The following LRBA variants were observed in gnomAD, a reference collection of about 807,000 sequenced individuals.
LRBA encodes lipopolysaccharide-responsive and beige-like anchor protein.
LRBA carries 176 observed loss-of-function variants against 330.0 expected under a neutral mutation model. That is an observed-to-expected ratio of 0.53 (90% CI 0.47 to 0.60). The LOEUF is 0.60. Among genes scored for constraint, LRBA ranks in the 20% least tolerant of loss-of-function variants. LRBA has a pLI of 0.00. For synonymous variants in LRBA, 1,230 were observed against 1,193.0 expected (o/e 1.03, Z -0.64); for missense variants, 3,259 against 3,444.8 (o/e 0.95, Z 1.35).
chr4:150,338,830 A>G (rs1735083131), intron 48 of LRBA, among the ~76,000 whole-genome samples: 1 of 152,166 alleles, frequency 6.6e-6, no homozygotes. Flanking sequence ...TGACTCTGGC[A>G]TTAGTTACCA....
chr4:150,469,117 A>C (rs889146953), intron 43 of LRBA, among the ~76,000 whole-genome samples: 3 of 152,104 alleles, frequency 2.0e-5, no homozygotes, highest in African/African-American at 7.2e-5. Context: ...CCATCTACTT[A>C]AATAATCAGA....
intron 39 of LRBA, among the ~76,000 whole-genome samples, chr4:150,589,094 G>C (rs1205926898): frequency 6.6e-6 from 1 of 150,838 alleles, no homozygotes; most frequent in Non-Finnish European, 1.5e-5. Context: ...GATCGACGTA[G>C]AAAGAATTTG....
At chr4:150,340,291 G>T (rs553859265) in intron 48 of LRBA, among the ~76,000 whole-genome samples, 1 of 151,962 alleles carries the variant, frequency 6.6e-6, no homozygotes, top group East Asian at 1.9e-4. Flanking sequence ...TATTACTTTT[G>T]GTTAGAGTTC....
At chr4:150,322,039 A>G (rs1732586709) in intron 49 of LRBA, among the ~76,000 whole-genome samples, 4 of 152,300 alleles carry the variant, frequency 2.6e-5, no homozygotes, top group Middle Eastern at 6.8e-3. Context: ...TAGTGTACCA[A>G]ATCATAAACA....
chr4:150,908,869 T>G lies in LRBA; in HGVS notation c.1162-12A>C. 1.3e-6 allele frequency: 2 copies of G among 1,562,162 alleles called. No homozygotes were observed. Among genetic ancestry groups the G allele is most frequent in the Non-Finnish European group, 1.8e-6 (2 of 1,136,600 alleles). ...AATTTAAATGTACCCTAAGAATTAATTAAAAACAGTTAAATAGTATGCCAC... is the reference window on the plus strand; with the variant it reads ...AATTTAAATGTACCCTAAGAATTAAGTAAAAACAGTTAAATAGTATGCCAC... On this transcript the variant is annotated splice_polypyrimidine_tract_variant and intron_variant, in intron 9 of 56. Coordinates refer to ENST00000651943, the MANE Select transcript of LRBA (RefSeq NM_001364905.1).
At chr4:150,749,053 A>G (rs1733165375) in intron 35 of LRBA, among the ~76,000 whole-genome samples, 2 of 152,144 alleles carry the variant, frequency 1.3e-5, no homozygotes, top group East Asian at 1.9e-4. Flanking sequence ...AGTCTCAGGT[A>G]TTTTTTATAG....
chr4:150,991,109 AGAG>A (rs1742034537), intron 2 of LRBA, among the ~76,000 whole-genome samples: 1 of 152,018 alleles, frequency 6.6e-6, no homozygotes, highest in Admixed American at 6.6e-5. Context: ...AGGAGGATGA[AGAG>A]GAGGAAGAGG....
At chr4:150,854,638 G>A (rs1204019415) in intron 22 of LRBA, among the ~76,000 whole-genome samples, 1 of 152,192 alleles carries the variant, frequency 6.6e-6, no homozygotes, top group Non-Finnish European at 1.5e-5. Flanking sequence ...AGGCGAGAAG[G>A]TGTATTTACT....
At chr4:150,975,939 A>C (rs1173479208) in intron 2 of LRBA, among the ~76,000 whole-genome samples, 2 of 152,166 alleles carry the variant, frequency 1.3e-5, no homozygotes, top group Non-Finnish European at 2.9e-5. Context: ...AGGTGGGCAG[A>C]TCACTTGATG....
intron 42 of LRBA, among the ~76,000 whole-genome samples, chr4:150,478,484 C>CA (rs1323579747): frequency 1.3e-5 from 2 of 152,130 alleles, no homozygotes; most frequent in East Asian, 3.8e-4. Flanking sequence ...CATCACCCCC[C>CA]AAATCTCTGA....
chr4:150,895,553 A>G (rs568145038), intron 16 of LRBA, among the ~76,000 whole-genome samples: 49 of 152,078 alleles, frequency 3.2e-4, no homozygotes, highest in African/African-American at 1.1e-3. Flanking sequence ...TTGTCCTTGC[A>G]ATAGTTTGCT....
chr4:150,673,419 G>T (rs1782247819), intron 37 of LRBA, among the ~76,000 whole-genome samples: 2 of 151,924 alleles, frequency 1.3e-5, no homozygotes, highest in Non-Finnish European at 1.5e-5. Context: ...CACAGATAGA[G>T]GAATAAAACA....
At chr4:150,687,587 G>A (rs1783738500) in intron 36 of LRBA, among the ~76,000 whole-genome samples, 1 of 151,950 alleles carries the variant, frequency 6.6e-6, no homozygotes, top group South Asian at 2.1e-4. Context: ...TGTGATTATT[G>A]CTAAAGAAAC....
chr4:150,607,614 G>C (rs1341699416), intron 37 of LRBA, among the ~76,000 whole-genome samples: 1 of 151,838 alleles, frequency 6.6e-6, no homozygotes, highest in Non-Finnish European at 1.5e-5. Context: ...TTAAAATAGG[G>C]AGATTGACCA....
rs1346991683 is a variant in LRBA at position 151,012,807 on chromosome 4, T to TC, written c.216+1619dup. 7.7e-3 allele frequency: 1,114 copies of TC among 144,674 alleles called. 13 individuals are homozygous for TC. The highest frequency in any genetic ancestry group is 0.026 in the African/African-American group (1,027 of 38,902). 9.0% of individuals were successfully genotyped at this position (144,674 alleles called of 1,614,324 possible). ...TTCATTCTTCAAAAGTAAGTGAATTTCTTTTTTTTTTTTTTTTTTTTGAAA... is the reference window on the plus strand; with the variant it reads ...TTCATTCTTCAAAAGTAAGTGAATTTCCTTTTTTTTTTTTTTTTTTTTGAAA... On this transcript the variant is annotated intron_variant, in intron 2 of 56. Coordinates refer to ENST00000651943, the MANE Select transcript of LRBA (RefSeq NM_001364905.1).
At chr4:150,597,476 A>G (rs915533374) in intron 38 of LRBA, among the ~76,000 whole-genome samples, 3 of 151,942 alleles carry the variant, frequency 2.0e-5, no homozygotes, top group Non-Finnish European at 4.4e-5. Context: ...TCTATGTGCA[A>G]TTTTAGAAAA....
rs779807470 is a variant in LRBA at position 150,467,727 on chromosome 4, A to G, written c.6726T>C (p.Tyr2242=). The G allele has an allele frequency of 2.5e-6, 4 of 1,610,160 alleles. No individual in the cohort carries two copies. The highest frequency in any genetic ancestry group is 3.4e-6 in the Non-Finnish European group (4 of 1,177,374). Reference sequence around the variant, plus strand: ...AGGTAAGATCCAGTTCTTCTGATTCATAATTAGTGATGACCCAAGGAAACA... The same window carrying G: ...AGGTAAGATCCAGTTCTTCTGATTCGTAATTAGTGATGACCCAAGGAAACA... The part of the protein sequence containing the change: ...YPVFPWVITN[Y]ESEELDLTLP... The change falls in exon 44 of 57, where the codon TAT becomes TAC. Residue 2242 remains tyrosine, a synonymous_variant. Coordinates refer to ENST00000651943, the MANE Select transcript of LRBA (RefSeq NM_001364905.1).
intron 40 of LRBA, among the ~76,000 whole-genome samples, chr4:150,558,821 C>T (rs1335045495): frequency 6.6e-6 from 1 of 152,138 alleles, no homozygotes; most frequent in Non-Finnish European, 1.5e-5. Context: ...TGATTTAAGA[C>T]TCTGACTCTA....
intron 48 of LRBA, among the ~76,000 whole-genome samples, chr4:150,343,907 C>A (rs1284085174): frequency 1.3e-5 from 2 of 152,194 alleles, no homozygotes; most frequent in Non-Finnish European, 2.9e-5. Flanking sequence ...TGTTGCCTTT[C>A]CACCTCATTC....
Sources: allele counts gnomAD v4.1 joint callset (sites outside exome capture counted in the v4.1 genomes callset), GRCh38; gene constraint gnomAD v4.1.1; transcripts MANE v1.5; gene names NCBI Gene and HGNC (gene_info 2026-07-23, HGNC 2026-07-21).